Variants in ST3GAL1 observed in about 807,000 individuals in gnomAD.
The protein encoded by ST3GAL1 is CMP-N-acetylneuraminate-beta-galactosamide-alpha-2,3-sialyltransferase 1.
Under a neutral mutation model 34.1 loss-of-function variants are expected in ST3GAL1, and 16 were observed. That is an observed-to-expected ratio of 0.47 (90% confidence interval 0.32 to 0.71). ST3GAL1 has a LOEUF of 0.71. Ranked by LOEUF, ST3GAL1 falls within the 30% of genes least tolerant of loss-of-function variation. ST3GAL1 has a pLI of 0.04. For missense variants in ST3GAL1, 353 were observed against 447.4 expected (o/e 0.79, Z 1.90); for synonymous variants, 191 against 184.7 (o/e 1.03, Z -0.28).
chr8:133,462,620 G>A (rs1048819638), intron 8 of ST3GAL1, among the ~76,000 whole-genome samples: 3 of 152,132 alleles, frequency 2.0e-5, no homozygotes, highest in African/African-American at 7.2e-5. Flanking sequence ...GGCAGGAGAG[G>A]GCGTGCACGT....
chr8:133,522,190 A>C lies in ST3GAL1; in HGVS notation c.-428-23001T>G, dbSNP rs139464868. Among the ~76,000 whole-genome samples, 1,149 of 152,300 alleles carry C rather than the reference A, an allele frequency of 7.5e-3. 19 individuals carry two copies. Among genetic ancestry groups the C allele is most frequent in the African/African-American group, 0.026 (1,087 of 41,564 alleles). On this transcript the variant is annotated intron_variant, in intron 2 of 9. Coordinates refer to ENST00000522652, the MANE Select transcript of ST3GAL1 (RefSeq NM_173344.3). ...TTCTATTCCTAGAAGCTTATACCCA[A>C]AGCAGAGAAAAAGTAGGAAGCAATA...
chr8:133,473,997 C>T (rs918085595), intron 5 of ST3GAL1, among the ~76,000 whole-genome samples: 1 of 152,194 alleles, frequency 6.6e-6, no homozygotes, highest in African/African-American at 2.4e-5. Flanking sequence ...CCAGAGCCCA[C>T]CCCAGGACCT....
At chr8:133,478,490 C>T (rs1271017688) in intron 3 of ST3GAL1, among the ~76,000 whole-genome samples, 2 of 152,212 alleles carry the variant, frequency 1.3e-5, no homozygotes, top group Non-Finnish European at 2.9e-5. Context: ...TGCAGCCCCA[C>T]CCTCACCTTG....
intron 2 of ST3GAL1, among the ~76,000 whole-genome samples, chr8:133,501,868 T>C (rs1284363697): frequency 2.6e-5 from 4 of 152,158 alleles, no homozygotes; most frequent in African/African-American, 9.7e-5. Context: ...TGCTGAGATG[T>C]CGTGGGCAGA....
chr8:133,547,616 C>G (rs930537297), intron 1 of ST3GAL1, among the ~76,000 whole-genome samples: 1 of 152,122 alleles, frequency 6.6e-6, no homozygotes, highest in Non-Finnish European at 1.5e-5. Context: ...CCCAGCTCAG[C>G]CCCCAGATGT....
intron 3 of ST3GAL1, among the ~76,000 whole-genome samples, chr8:133,479,873 G>A (rs1014834722): frequency 3.3e-5 from 5 of 152,192 alleles, no homozygotes; most frequent in African/African-American, 1.2e-4. Flanking sequence ...GGAAAAGCAA[G>A]AACACCGCTA....
rs147539814 is a variant in ST3GAL1 at position 133,528,106 on chromosome 8, C to T, written c.-429+17668G>A. Among the ~76,000 whole-genome samples the T allele has an allele frequency of 2.0e-3, 311 of 152,000 alleles. 2 individuals carry two copies. The highest frequency in any genetic ancestry group is 4.8e-3 in the Admixed American group (73 of 15,276). On this transcript the variant is annotated intron_variant, in intron 2 of 9. Coordinates refer to ENST00000522652, the MANE Select transcript of ST3GAL1 (RefSeq NM_173344.3). The stretch of plus-strand genomic sequence containing the variant: ...AGAAGAATTGCTTGAACCCGGGAGG[C>T]GGAGGTTGCAGTAAGCCAAGGTCAC...
chr8:133,491,018 T>C (rs1327006928), intron 3 of ST3GAL1, among the ~76,000 whole-genome samples: 1 of 150,816 alleles, frequency 6.6e-6, no homozygotes, highest in Non-Finnish European at 1.5e-5. Flanking sequence ...CTTGCAAATC[T>C]TCCTCTTTGC....
In ST3GAL1 at chr8:133,475,810, G is replaced by T. The variant is rs1816153550; in HGVS notation, c.215C>A (p.Ala72Asp). ...CTGGTTGAACCTCTCATCGAACCAG[G>T]CCGAGAGCTTGCGCTGCCCGATGCA... Reference protein sequence around the residue: ...THCIGQRKLSAWFDERFNQTM... With the variant: ...THCIGQRKLSDWFDERFNQTM... The change falls in exon 5 of 10, where the codon GCC becomes GAC. Residue 72 changes from alanine to aspartate, a missense_variant. By Grantham distance (126) the Ala-to-Asp change is moderately radical. Coordinates refer to ENST00000522652, the MANE Select transcript of ST3GAL1 (RefSeq NM_173344.3). 1 of 1,614,130 alleles carries T rather than the reference G, an allele frequency of 6.2e-7. No homozygotes were observed. Among genetic ancestry groups the T allele is most frequent in the Non-Finnish European group, 8.5e-7 (1 of 1,180,040 alleles).
Position 133,461,575 on chromosome 8 carries a change from A to G in ST3GAL1, c.849+300T>C, listed in dbSNP as rs1205654317. Reference sequence around the variant, plus strand: ...ACTGTGGCCTTAGACAACTCTCGCTATGAGAATCCGCTTCTGTATCCGGAA... The same window carrying G: ...ACTGTGGCCTTAGACAACTCTCGCTGTGAGAATCCGCTTCTGTATCCGGAA... On this transcript the variant is annotated intron_variant, in intron 9 of 9. Transcript: ENST00000522652. The surrounding 1 kb of genome is among the most constrained non-coding windows in gnomAD (Gnocchi z 4.7). 6.6e-6 allele frequency among the ~76,000 whole-genome samples: 1 copy of G among 152,186 alleles called. No homozygotes were observed. The highest frequency in any genetic ancestry group is 1.5e-5 in the Non-Finnish European group (1 of 68,034).
At chr8:133,506,949 A>AAATAAAT (rs1180973918) in intron 2 of ST3GAL1, among the ~76,000 whole-genome samples, 1 of 105,688 alleles carries the variant, frequency 9.5e-6, no homozygotes, top group Non-Finnish European at 2.0e-5. Context: ...ATAAATAAAT[A>AAATAAAT]AATAAATAAT....
intron 2 of ST3GAL1, among the ~76,000 whole-genome samples, chr8:133,509,165 T>A (rs1817434895): frequency 6.6e-6 from 1 of 152,232 alleles, no homozygotes; most frequent in Admixed American, 6.5e-5. Flanking sequence ...GCTAATAAAT[T>A]AAAATAATTA....
chr8:133,463,489 T>TGGGGCAG (rs1275713692), intron 7 of ST3GAL1, 30 bp from the exon 8 acceptor site: 1 of 1,612,970 alleles, frequency 6.2e-7, no homozygotes, highest in East Asian at 2.2e-5. Flanking sequence ...AGCTGGTTAA[T>TGGGGCAG]GGGGCAGGGG....
intron 2 of ST3GAL1, among the ~76,000 whole-genome samples, chr8:133,531,715 T>TAG (rs1276299613): frequency 6.7e-6 from 1 of 148,638 alleles, no homozygotes; most frequent in Non-Finnish European, 1.5e-5. Flanking sequence ...GCTTAAAACC[T>TAG]AGATGATGGG....
chr8:133,539,519 A>C (rs1441036009), intron 2 of ST3GAL1: 1 of 152,176 alleles, frequency 6.6e-6, no homozygotes, highest in Non-Finnish European at 1.5e-5. Context: ...AAACTCCCAA[A>C]TTGTATAAGC....
intron 1 of ST3GAL1, among the ~76,000 whole-genome samples, chr8:133,569,561 A>G (rs1229220408): frequency 6.6e-6 from 1 of 152,170 alleles, no homozygotes; most frequent in Non-Finnish European, 1.5e-5. Context: ...ACGGGAGACT[A>G]GAAGAGGCCC....
chr8:133,498,355 G>A (rs573210205), intron 3 of ST3GAL1, among the ~76,000 whole-genome samples: 20 of 152,312 alleles, frequency 1.3e-4, no homozygotes, highest in Admixed American at 9.1e-4. Flanking sequence ...CCCAAGAGGT[G>A]GGGGTGTGGT....
At chr8:133,536,055 A>T (rs1274833890) in intron 2 of ST3GAL1, among the ~76,000 whole-genome samples, 1 of 152,202 alleles carries the variant, frequency 6.6e-6, no homozygotes, top group Non-Finnish European at 1.5e-5. Flanking sequence ...TCCATTTTGC[A>T]GATGAGGAAA....
intron 3 of ST3GAL1, among the ~76,000 whole-genome samples, chr8:133,489,983 C>G (rs1816738282): frequency 6.6e-6 from 1 of 152,180 alleles, no homozygotes; most frequent in South Asian, 2.1e-4. Context: ...CTCTCCAACT[C>G]ACTCCCTCCC....
Sources: allele counts gnomAD v4.1 joint callset (sites outside exome capture counted in the v4.1 genomes callset), GRCh38; gene constraint gnomAD v4.1.1; non-coding constraint Gnocchi (gnomAD v3.1); transcripts MANE v1.5; gene names NCBI Gene and HGNC (gene_info 2026-07-23, HGNC 2026-07-21).